Variants in TMTC2 observed in about 807,000 individuals in gnomAD.
TMTC2 encodes protein O-mannosyl-transferase TMTC2.
Under a neutral mutation model 82.4 loss-of-function variants are expected in TMTC2, and 43 were observed. The observed-to-expected ratio is 0.52, with a 90% CI of 0.41 to 0.67. The LOEUF is 0.67. Ranked by LOEUF, TMTC2 falls within the 30% of genes least tolerant of loss-of-function variation. The probability of loss-of-function intolerance (pLI) is 0.00; values close to 1 mark genes in which losing one functional copy is unlikely to be tolerated. For missense variants in TMTC2, 919 were observed against 1,012.4 expected, an observed-to-expected ratio of 0.91 and a Z score of 1.25; for synonymous variants, 408 against 381.9, an observed-to-expected ratio of 1.07 and a Z score of -0.80.
chr12:82,754,960 T>G (rs1015714944), intron 1 of TMTC2, among the ~76,000 whole-genome samples: 3 of 152,238 alleles, frequency 2.0e-5, no homozygotes, highest in Non-Finnish European at 4.4e-5. Context: ...AAAGGTGTTA[T>G]GCAAGGCATA....
At chr12:82,969,934 A>C (rs1878376375) in intron 7 of TMTC2, among the ~76,000 whole-genome samples, 2 of 152,202 alleles carry the variant, frequency 1.3e-5, no homozygotes, top group Non-Finnish European at 2.9e-5. Flanking sequence ...AATTTTACTT[A>C]GGTGCATATA....
chr12:82,916,208 G>C (rs1475855276), intron 3 of TMTC2, among the ~76,000 whole-genome samples: 1 of 152,192 alleles, frequency 6.6e-6, no homozygotes, highest in African/African-American at 2.4e-5. Flanking sequence ...TTCCCCAAGT[G>C]TTCCATTAAC....
At chr12:83,123,117 A>C (rs568179658) in intron 11 of TMTC2, among the ~76,000 whole-genome samples, 33 of 152,322 alleles carry the variant, frequency 2.2e-4, no homozygotes, top group African/African-American at 7.2e-4. Flanking sequence ...TATAACACCC[A>C]ACACTGTGAC....
chr12:82,912,554 A>G (rs1344412979), intron 3 of TMTC2, among the ~76,000 whole-genome samples: 1 of 152,180 alleles, frequency 6.6e-6, no homozygotes, highest in Non-Finnish European at 1.5e-5. Flanking sequence ...AGATTTGCAA[A>G]CAAGTTTTGA....
chr12:82,943,373 C>T (rs1876827477), intron 4 of TMTC2, among the ~76,000 whole-genome samples: 1 of 152,194 alleles, frequency 6.6e-6, no homozygotes, highest in African/African-American at 2.4e-5. Flanking sequence ...GAGACAATTG[C>T]TATTGGCATT....
intron 7 of TMTC2, among the ~76,000 whole-genome samples, chr12:82,980,705 C>T (rs986965607): frequency 2.6e-5 from 4 of 151,770 alleles, no homozygotes; most frequent in Admixed American, 1.3e-4. Context: ...AGTTCTAAAA[C>T]GTGTATAATT....
intron 1 of TMTC2, among the ~76,000 whole-genome samples, chr12:82,798,946 G>C (rs1233316300): frequency 6.6e-6 from 1 of 151,972 alleles, no homozygotes; most frequent in African/African-American, 2.4e-5. Flanking sequence ...TTCAAGAGAA[G>C]TAACCTCTAG....
At chr12:82,846,859 A>G (rs938524931) in intron 1 of TMTC2, among the ~76,000 whole-genome samples, 2 of 152,124 alleles carry the variant, frequency 1.3e-5, no homozygotes, top group Non-Finnish European at 2.9e-5. Context: ...AAGTTTTACA[A>G]TCTAGTAGGA....
At chr12:83,027,521 A>AC (rs1318783723) in intron 8 of TMTC2, among the ~76,000 whole-genome samples, 1 of 152,096 alleles carries the variant, frequency 6.6e-6, no homozygotes, top group Non-Finnish European at 1.5e-5. Context: ...GATGAGGAAA[A>AC]AAAAATGATT....
Position 82,939,067 on chromosome 12 carries a change from T to C in TMTC2, c.1598+8522T>C, listed in dbSNP as rs559244307. Among the ~76,000 whole-genome samples the C allele has an allele frequency of 2.0e-5, 3 of 152,332 alleles. No individual in the cohort carries two copies. In the East Asian group the frequency reaches 5.8e-4, roughly 29 times the overall value. The stretch of plus-strand genomic sequence containing the variant: ...TTGGAGGTGTTAAGATCAACAACAT[T>C]AATGAATGCTCAGTGGGATGATTTC... On this transcript the variant is annotated intron_variant, in intron 4 of 11. Transcript: ENST00000321196.
intron 2 of TMTC2, among the ~76,000 whole-genome samples, chr12:82,872,732 T>A (rs73360225): frequency 0.046 from 7,013 of 152,226 alleles, 545 homozygotes; most frequent in African/African-American, 0.16. Flanking sequence ...GACTCTCTTG[T>A]GTGGGTTGTA....
chr12:82,737,561 A>G (rs1269737718), intron 1 of TMTC2, among the ~76,000 whole-genome samples: 1 of 152,124 alleles, frequency 6.6e-6, no homozygotes, highest in Non-Finnish European at 1.5e-5. Context: ...CCAGGAAGGG[A>G]GCAGGAAGTA....
chr12:82,796,769 G>A (rs192402462), intron 1 of TMTC2, among the ~76,000 whole-genome samples: 1 of 152,212 alleles, frequency 6.6e-6, no homozygotes, highest in Admixed American at 6.5e-5. Flanking sequence ...AGAGCAGGGT[G>A]TATTGGGAGT....
At position 82,736,592 on chromosome 12, in the gene TMTC2, A is replaced by G. The variant is rs372416234; in HGVS notation, c.83+48923A>G. 4.6e-5 allele frequency among the ~76,000 whole-genome samples: 7 copies of G among 152,302 alleles called. No homozygotes were observed. The East Asian group carries it at 9.6e-4, about 21-fold the overall frequency. On this transcript the variant is annotated intron_variant, in intron 1 of 11. Transcript: ENST00000321196. The stretch of plus-strand genomic sequence containing the variant: ...AATGACTTTTTCATTTCAAACCTTT[A>G]CTAGGTTATGTTTTCCTTCCACAGC...
chr12:82,945,602 T>A (rs1876950665), intron 4 of TMTC2, among the ~76,000 whole-genome samples: 1 of 152,222 alleles, frequency 6.6e-6, no homozygotes. Context: ...GCAGCAGAAT[T>A]TCAAGTAAAT....
In TMTC2 at chr12:83,099,349, T is replaced by C. The variant is rs575488307; in HGVS notation, c.2332-32861T>C. Among the ~76,000 whole-genome samples the C allele has an allele frequency of 2.6e-5, 4 of 152,220 alleles. No homozygotes were observed. The South Asian group carries it at 8.3e-4, about 32-fold the overall frequency. On this transcript the variant is annotated intron_variant, in intron 11 of 11. Coordinates refer to ENST00000321196, the MANE Select transcript of TMTC2 (RefSeq NM_152588.3). ...CCCATAGGCAAACAAATGAGTAACG[T>C]TTAATTTTTTTGTATAATAAAATTC... is the stretch of plus-strand genomic sequence containing the variant.
Position 82,793,984 on chromosome 12 carries a change from C to T in TMTC2, c.84-63026C>T, listed in dbSNP as rs186466740. Among the ~76,000 whole-genome samples the T allele has an allele frequency of 4.6e-5, 7 of 152,256 alleles. No homozygotes were observed. The East Asian group carries it at 1.4e-3, about 29-fold the overall frequency. On this transcript the variant is annotated intron_variant, in intron 1 of 11. Coordinates refer to ENST00000321196, the MANE Select transcript of TMTC2 (RefSeq NM_152588.3). ...CCCTAGGGACGTTTTTCAATATCAA[C>T]TGCTTTGTGCCCCCAGTATGTGATT...
intron 4 of TMTC2, among the ~76,000 whole-genome samples, chr12:82,942,065 C>G (rs1310184004): frequency 6.6e-6 from 1 of 152,132 alleles, no homozygotes. Flanking sequence ...GAAATATAGT[C>G]TTACAAACTC....
intron 1 of TMTC2, among the ~76,000 whole-genome samples, chr12:82,749,217 T>TTA (rs373438887): frequency 1.2e-3 from 189 of 152,364 alleles, no homozygotes; most frequent in African/African-American, 3.8e-3. Context: ...TTCTCTGTTT[T>TTA]TATAACCTTC....
Sources: gnomAD v4.1 joint callset for allele counts (sites outside exome capture counted in the v4.1 genomes callset) on GRCh38, gnomAD v4.1.1 for gene constraint, MANE v1.5 for transcripts, NCBI Gene and HGNC (gene_info 2026-07-23, HGNC 2026-07-21) for gene names.